The following PTPRD variants were observed in gnomAD, a reference collection of about 807,000 sequenced individuals.
PTPRD encodes receptor-type tyrosine-protein phosphatase delta.
A neutral mutation model predicts 214.5 loss-of-function variants in PTPRD; 34 were observed. The observed-to-expected ratio is 0.16, with a 90% confidence interval of 0.12 to 0.21. PTPRD has a LOEUF of 0.21. PTPRD is among the 10% of genes least tolerant of loss of function. PTPRD has a pLI of 1.00. For missense variants in PTPRD, 2,545 were observed against 2,398.7 expected, an observed-to-expected ratio of 1.06 and a Z score of -1.27; for synonymous variants, 1,128 against 845.7, an observed-to-expected ratio of 1.33 and a Z score of -5.79.
chr9:9,423,500 C>T (rs1236293076), intron 8 of PTPRD, among the ~76,000 whole-genome samples: 1 of 152,054 alleles, frequency 6.6e-6, no homozygotes, highest in Non-Finnish European at 1.5e-5. Flanking sequence ...TGTATGACAA[C>T]CTAGGGTAGA....
rs1351232928 is a variant in PTPRD at position 8,860,837 on chromosome 9, G to A, written c.-103-126891C>T. ...ATCATCCAACTATTTGGTGCCAGAA[G>A]CAGGACAAGAACTCAGACATCATGA... On this transcript the variant is annotated intron_variant, in intron 11 of 45. Coordinates refer to ENST00000381196, the MANE Select transcript of PTPRD (RefSeq NM_002839.4). The A allele has an allele frequency of 3.3e-5, 5 of 152,188 alleles. No individual in the cohort carries two copies. In the South Asian group the frequency reaches 1.0e-3, roughly 32 times the overall value. The allele number at this position is 152,188 out of a possible 1,614,324, so 9.4% of individuals were successfully genotyped here.
intron 4 of PTPRD, among the ~76,000 whole-genome samples, chr9:10,027,346 T>A (rs2096943887): frequency 1.3e-5 from 2 of 152,090 alleles, no homozygotes. Flanking sequence ...GGAAAAGAGG[T>A]AGACAGAATT....
At chr9:10,208,238 G>T (rs1370926198) in intron 3 of PTPRD, among the ~76,000 whole-genome samples, 2 of 152,202 alleles carry the variant, frequency 1.3e-5, no homozygotes, top group South Asian at 2.1e-4. Flanking sequence ...ACCGCGGCGG[G>T]GCGCGGTGGC....
chr9:8,321,528 A>ATATATATATATATATAT (rs1563892616), intron 44 of PTPRD, among the ~76,000 whole-genome samples: 2 of 79,122 alleles, frequency 2.5e-5, no homozygotes, highest in African/African-American at 7.8e-5. Flanking sequence ...TATATATATA[A>ATATATATATATATATAT]AAGGTATATG....
In PTPRD at chr9:9,578,044, T is replaced by TAA. The variant is rs2089533769; in HGVS notation, c.-286-3264_-286-3263insTT. Among the ~76,000 whole-genome samples the TAA allele has an allele frequency of 3.6e-4, 2 of 5,504 alleles. 1 individual carries two copies. The highest frequency in any genetic ancestry group is 1.0e-3 in the African/African-American group (2 of 1,930). 3.6% of individuals were successfully genotyped at this position (5,504 alleles called of 152,430 possible). A position where few individuals can be genotyped will look rare whatever the true frequency, so the allele number is the denominator to read the frequency against. On this transcript the variant is annotated intron_variant, in intron 7 of 45. Coordinates refer to ENST00000381196, the MANE Select transcript of PTPRD (RefSeq NM_002839.4). ...CTTGGTGACAGAGTAAGACTCTGTCTCAAAAAAAAAAAAAAAAAAAAAAAA... is the reference window on the plus strand; with the variant it reads ...CTTGGTGACAGAGTAAGACTCTGTCTAACAAAAAAAAAAAAAAAAAAAAAAAA...
intron 3 of PTPRD, among the ~76,000 whole-genome samples, chr9:10,280,379 C>G (rs1339691562): frequency 6.9e-6 from 1 of 145,796 alleles, no homozygotes; most frequent in Non-Finnish European, 1.6e-5. Context: ...CACACACACA[C>G]ACACACACAC....
At chr9:9,110,522 A>G (rs966928003) in intron 10 of PTPRD, among the ~76,000 whole-genome samples, 9 of 151,858 alleles carry the variant, frequency 5.9e-5, no homozygotes, top group African/African-American at 2.2e-4. Context: ...CTTCTTCTCC[A>G]CTCTTGCTAA....
At chr9:9,597,615 A>T (rs528385457) in intron 7 of PTPRD, among the ~76,000 whole-genome samples, 1 of 152,154 alleles carries the variant, frequency 6.6e-6, no homozygotes, top group Non-Finnish European at 1.5e-5. Context: ...GGGGAAGTCA[A>T]CAGTATCACA....
At chr9:9,955,609 C>T (rs1482286851) in intron 4 of PTPRD, among the ~76,000 whole-genome samples, 10 of 151,584 alleles carry the variant, frequency 6.6e-5, no homozygotes, top group South Asian at 2.1e-4. Context: ...CTGCAAGCTC[C>T]GCCTCCCAGG....
chr9:9,211,491 C>A (rs972954944), intron 9 of PTPRD, among the ~76,000 whole-genome samples: 2 of 148,882 alleles, frequency 1.3e-5, no homozygotes, highest in African/African-American at 5.0e-5. Flanking sequence ...TCTTTCCTTC[C>A]TTCCTCTCCC....
intron 4 of PTPRD, among the ~76,000 whole-genome samples, chr9:10,026,234 A>G (rs1427847023): frequency 2.6e-5 from 4 of 152,170 alleles, no homozygotes; most frequent in Admixed American, 6.5e-5. Flanking sequence ...GCCTTTGGCT[A>G]GCTGGAGGAG....
chr9:8,645,036 A>T (rs1174046238), intron 12 of PTPRD, among the ~76,000 whole-genome samples: 4 of 152,354 alleles, frequency 2.6e-5, no homozygotes, highest in African/African-American at 9.6e-5. Context: ...CAAGCTAGAA[A>T]ATTATAAAGA....
At chr9:10,256,391 A>G (rs2093278803) in intron 3 of PTPRD, among the ~76,000 whole-genome samples, 1 of 141,284 alleles carries the variant, frequency 7.1e-6, no homozygotes, top group Admixed American at 7.1e-5. Flanking sequence ...TGCTTGAATT[A>G]CAGCTTTTTT....
chr9:8,946,722 GT>G (rs1370267272), intron 11 of PTPRD, among the ~76,000 whole-genome samples: 1 of 152,118 alleles, frequency 6.6e-6, no homozygotes, highest in Non-Finnish European at 1.5e-5. Flanking sequence ...AGATCCCCAG[GT>G]TGCTCTCTTT....
intron 3 of PTPRD, among the ~76,000 whole-genome samples, chr9:10,302,352 C>T (rs957484005): frequency 8.5e-5 from 13 of 152,126 alleles, no homozygotes; most frequent in African/African-American, 2.9e-4. Flanking sequence ...GAAGAAACTA[C>T]ATCAACTAAT....
chr9:9,933,896 A>G (rs2153941494), intron 5 of PTPRD, among the ~76,000 whole-genome samples: 1 of 148,532 alleles, frequency 6.7e-6, no homozygotes, highest in African/African-American at 2.6e-5. Context: ...CCACAGTGCA[A>G]TCAAACTAGA....
At chr9:9,684,156 A>G (rs979070828) in intron 7 of PTPRD, among the ~76,000 whole-genome samples, 3 of 151,662 alleles carry the variant, frequency 2.0e-5, no homozygotes, top group Admixed American at 6.6e-5. Context: ...CATATTAGAC[A>G]TGCTTGGTTA....
Position 8,965,588 on chromosome 9 carries a change from C to T in PTPRD, c.-104+53109G>A, listed in dbSNP as rs958234300. Among the ~76,000 whole-genome samples, 53 of 152,158 alleles carry T rather than the reference C, an allele frequency of 3.5e-4. 1 individual carries two copies. Among genetic ancestry groups the T allele is most frequent in the South Asian group, 1.7e-3 (8 of 4,824 alleles). ...ATGAATCCTTTACCATTATGTAATGCCCTTCTTTGTCCTTTTTGCTGTTGT... is the reference window on the plus strand; with the variant it reads ...ATGAATCCTTTACCATTATGTAATGTCCTTCTTTGTCCTTTTTGCTGTTGT... On this transcript the variant is annotated intron_variant, in intron 11 of 45. Transcript: ENST00000381196.
intron 5 of PTPRD, among the ~76,000 whole-genome samples, chr9:9,851,967 T>A (rs2060626707): frequency 6.6e-6 from 1 of 152,130 alleles, no homozygotes; most frequent in African/African-American, 2.4e-5. Context: ...GACTTGCAAA[T>A]TAAGTTCTGT....
Sources: allele counts gnomAD v4.1 joint callset (sites outside exome capture counted in the v4.1 genomes callset), GRCh38; gene constraint gnomAD v4.1.1; transcripts MANE v1.5; gene names NCBI Gene and HGNC (gene_info 2026-07-23, HGNC 2026-07-21).